Variants in IPPK observed in about 807,000 individuals in gnomAD.
IPPK encodes the protein IPK1 homolog.
Under a neutral mutation model 64.6 loss-of-function variants are expected in IPPK, and 22 were observed. The ratio of observed to expected loss-of-function variants is 0.34; its 90% CI spans 0.24 to 0.49. IPPK has a LOEUF of 0.49. Ranked by LOEUF, IPPK falls within the 20% of genes least tolerant of loss-of-function variation. The pLI is 0.99. For missense variants in IPPK, 532 were observed against 630.7 expected, an observed-to-expected ratio of 0.84 and a Z score of 1.68; for synonymous variants, 262 against 247.2, an observed-to-expected ratio of 1.06 and a Z score of -0.56.
At position 92,613,324 on chromosome 9, in the gene IPPK, TTAAGTATAAAATGCCAAA is replaced by T. The variant is rs1209540978; in HGVS notation, c.*2490_*2507del. On this transcript the variant is annotated 3_prime_UTR_variant, in exon 13 of 13. Coordinates refer to ENST00000287996, the MANE Select transcript of IPPK (RefSeq NM_022755.6). ...TGACATGAAAAATAAATACAACTAGTTAAGTATAAAATGCCAAATAAAAGTGACACGTACAATGTGGTT... is the reference window on the plus strand; with the variant it reads ...TGACATGAAAAATAAATACAACTAGTTAAAAGTGACACGTACAATGTGGTT... The T allele has an allele frequency of 3.0e-6, 2 of 666,056 alleles. No homozygotes were observed. Among genetic ancestry groups the T allele is most frequent in the Non-Finnish European group, 5.0e-6 (2 of 401,360 alleles). 41.3% of individuals were successfully genotyped at this position (666,056 alleles called of 1,614,324 possible). A position where few individuals can be genotyped will look rare whatever the true frequency, so the allele number is the denominator to read the frequency against.
chr9:92,663,567 AT>A (rs1449706316), intron 1 of IPPK, among the ~76,000 whole-genome samples: 1 of 152,238 alleles, frequency 6.6e-6, no homozygotes, highest in East Asian at 1.9e-4. Context: ...GATATTCTAT[AT>A]TTTCAGAGAG....
chr9:92,664,302 C>T (rs1422980301), intron 1 of IPPK, among the ~76,000 whole-genome samples: 2 of 152,266 alleles, frequency 1.3e-5, no homozygotes, highest in African/African-American at 4.8e-5. Context: ...ATACAAAGCA[C>T]ATTTGACACC....
At chr9:92,632,128 A>G (rs1168966777) in intron 11 of IPPK, among the ~76,000 whole-genome samples, 2 of 152,200 alleles carry the variant, frequency 1.3e-5, no homozygotes, top group Non-Finnish European at 1.5e-5. Context: ...CACCGTGGAA[A>G]GACATGTGGG....
chr9:92,622,452 A>C (rs1851658641), intron 11 of IPPK, among the ~76,000 whole-genome samples: 1 of 152,202 alleles, frequency 6.6e-6, no homozygotes, highest in African/African-American at 2.4e-5. Context: ...GATGTATGCA[A>C]AGTCAAAATA....
intron 1 of IPPK, among the ~76,000 whole-genome samples, chr9:92,664,957 A>G (rs1300067132): frequency 6.6e-6 from 1 of 152,194 alleles, no homozygotes; most frequent in African/African-American, 2.4e-5. Context: ...CCAAGGCCAA[A>G]CCAACAAACC....
At chr9:92,658,547 T>G in intron 2 of IPPK, 87 bp downstream of exon 2, 1 of 1,085,094 alleles carries the variant, frequency 9.2e-7, no homozygotes, top group Non-Finnish European at 1.4e-6. Context: ...ATGCTACAAC[T>G]AGCATCAATG....
intron 12 of IPPK, chr9:92,617,288 C>T (rs1851470291): frequency 6.6e-6 from 1 of 152,200 alleles, no homozygotes; most frequent in African/African-American, 2.4e-5. Flanking sequence ...ACAGTCACAT[C>T]CCCAGCCCAT....
At chr9:92,642,674 C>T (rs1046104420) in intron 7 of IPPK, 78 bp downstream of exon 7, 10 of 1,254,452 alleles carry the variant, frequency 8.0e-6, no homozygotes, top group South Asian at 1.2e-5. Flanking sequence ...CGAAATACCC[C>T]CCACCAGGCA....
At chr9:92,648,013 C>A in intron 6 of IPPK, 46 bp downstream of exon 6, 1 of 1,366,218 alleles carries the variant, frequency 7.3e-7, no homozygotes, top group Non-Finnish European at 1.0e-6. Context: ...AGCCCAGATC[C>A]CCAGCGTGCA....
At chr9:92,636,308 T>C (rs1189171767) in intron 9 of IPPK, among the ~76,000 whole-genome samples, 1 of 152,166 alleles carries the variant, frequency 6.6e-6, no homozygotes, top group East Asian at 1.9e-4. Flanking sequence ...TTTGTTAAAA[T>C]TACAGCAGAT....
At chr9:92,644,365 T>C (rs72756423) in intron 6 of IPPK, among the ~76,000 whole-genome samples, 7,897 of 152,190 alleles carry the variant, frequency 0.052, 242 homozygotes, top group South Asian at 0.11. Context: ...ACCTTGAAAA[T>C]GAACAGCCGC....
At chr9:92,655,233 C>CT (rs1852347362) in intron 3 of IPPK, among the ~76,000 whole-genome samples, 2 of 152,322 alleles carry the variant, frequency 1.3e-5, no homozygotes, top group Admixed American at 1.3e-4. Context: ...TCTGTTCTTC[C>CT]CTCACGTGGC....
rs764885557 is a variant in IPPK at position 92,635,434 on chromosome 9, G to C, written c.917-126C>G. 7 of 974,950 alleles carry C rather than the reference G, an allele frequency of 7.2e-6. No individual in the cohort carries two copies. The highest frequency in any genetic ancestry group is 5.3e-5 in the East Asian group (2 of 38,012). 60.4% of individuals were successfully genotyped at this position (974,950 alleles called of 1,614,324 possible). On this transcript the variant is annotated intron_variant, in intron 9 of 12. Transcript: ENST00000287996. The surrounding 1 kb of genome is among the most constrained non-coding windows in gnomAD (Gnocchi z 4.4). ...CCATACGGGCATCACCACAGGCAAG[G>C]ACTGCACCCTGGACTGGCACTAAGG...
intron 5 of IPPK, 92 bp from the exon 6 acceptor site, chr9:92,648,240 A>C: frequency 2.1e-6 from 2 of 961,108 alleles, no homozygotes; most frequent in South Asian, 1.5e-5. Flanking sequence ...TAATGAGTGC[A>C]GCAAGATAAT....
intron 6 of IPPK, among the ~76,000 whole-genome samples, chr9:92,644,473 T>C (rs764637916): frequency 6.6e-6 from 1 of 152,194 alleles, no homozygotes. Context: ...TTATTTGACC[T>C]GTCTCTGGGT....
At chr9:92,654,328 CCAA>C (rs1366235629) in intron 3 of IPPK, among the ~76,000 whole-genome samples, 1 of 152,124 alleles carries the variant, frequency 6.6e-6, no homozygotes, top group Non-Finnish European at 1.5e-5. Flanking sequence ...ACCAGCCTGC[CCAA>C]CATGGTGAAA....
intron 4 of IPPK, among the ~76,000 whole-genome samples, chr9:92,651,732 T>G (rs928046047): frequency 6.6e-6 from 1 of 152,212 alleles, no homozygotes; most frequent in Non-Finnish European, 1.5e-5. Context: ...TTCGTTTGTT[T>G]GAGACGGAGT....
chr9:92,634,043 C>T (rs1003614271), intron 11 of IPPK, among the ~76,000 whole-genome samples: 1 of 152,226 alleles, frequency 6.6e-6, no homozygotes, highest in African/African-American at 2.4e-5. Context: ...GGTCCCAGGA[C>T]CCTGGCAAGG....
intron 4 of IPPK, among the ~76,000 whole-genome samples, chr9:92,650,136 A>T (rs1339596651): frequency 6.6e-6 from 1 of 151,954 alleles, no homozygotes; most frequent in African/African-American, 2.4e-5. Flanking sequence ...ATCTTGGCCA[A>T]CATGGTGAAA....
Sources: gnomAD v4.1 joint callset for allele counts (sites outside exome capture counted in the v4.1 genomes callset) on GRCh38, gnomAD v4.1.1 for gene constraint, Gnocchi (gnomAD v3.1) non-coding constraint, MANE v1.5 for transcripts, NCBI Gene and HGNC (gene_info 2026-07-23, HGNC 2026-07-21) for gene names.